The following ELAVL2 variants were observed in gnomAD, a reference collection of about 807,000 sequenced individuals.
ELAVL2 encodes ELAV like RNA binding protein 2.
In ELAVL2, 4 loss-of-function variants were observed where a neutral mutation model predicts 34.6. The observed-to-expected ratio is 0.12, with a 90% CI of 0.06 to 0.26. ELAVL2 has a LOEUF of 0.26. Among genes scored for constraint, ELAVL2 ranks in the 10% least tolerant of loss-of-function variants. The probability of loss-of-function intolerance (pLI) is 1.00; values close to 1 mark genes in which losing one functional copy is unlikely to be tolerated. For synonymous variants in ELAVL2, 193 were observed against 154.8 expected, an observed-to-expected ratio of 1.25 and a Z score of -1.83; for missense variants, 432 against 442.8, an observed-to-expected ratio of 0.98 and a Z score of 0.22.
intron 1 of ELAVL2, among the ~76,000 whole-genome samples, chr9:23,780,172 T>C (rs1208674625): frequency 5.3e-5 from 8 of 152,092 alleles, no homozygotes; most frequent in Admixed American, 2.0e-4. Flanking sequence ...TTATAAAACA[T>C]TTTGAACTGA....
intron 1 of ELAVL2, among the ~76,000 whole-genome samples, chr9:23,767,091 C>G (rs2056426917): frequency 6.6e-6 from 1 of 152,146 alleles, no homozygotes; most frequent in Non-Finnish European, 1.5e-5. Context: ...ATATTCTAAA[C>G]TTTCACTGGG....
At chr9:23,845,568 T>C in the ELAVL2 span, among the ~76,000 whole-genome samples, 1 of 151,696 alleles carries the variant, frequency 6.6e-6, no homozygotes, top group African/African-American at 2.4e-5. Context: ...AGCCTCATAA[T>C]TCTCCCCTTA....
intron 1 of ELAVL2, among the ~76,000 whole-genome samples, chr9:23,817,877 CTT>C (rs530738613): frequency 2.2e-3 from 329 of 152,302 alleles, no homozygotes; most frequent in Admixed American, 8.0e-3. Flanking sequence ...TAATAAAACA[CTT>C]ATCTTTTAAT....
At chr9:23,811,825 T>C (rs2063044964) in intron 1 of ELAVL2, among the ~76,000 whole-genome samples, 1 of 152,120 alleles carries the variant, frequency 6.6e-6, no homozygotes, top group African/African-American at 2.4e-5. Flanking sequence ...TGAGTAGGTT[T>C]TGCAGAAATA....
At chr9:23,807,675 T>G (rs1296323947) in intron 1 of ELAVL2, among the ~76,000 whole-genome samples, 1 of 152,154 alleles carries the variant, frequency 6.6e-6, no homozygotes, top group African/African-American at 2.4e-5. Flanking sequence ...AGGTCATTCA[T>G]AAACAAACCA....
At chr9:23,729,323 C>T (rs559070475) in intron 3 of ELAVL2, among the ~76,000 whole-genome samples, 29 of 152,242 alleles carry the variant, frequency 1.9e-4, no homozygotes, top group Non-Finnish European at 3.5e-4. Context: ...GACAAATTAG[C>T]AGCAACGCTG....
chr9:23,698,734 ATCAGGTGAAAG>A (rs2036134732), intron 5 of ELAVL2, among the ~76,000 whole-genome samples: 1 of 152,224 alleles, frequency 6.6e-6, no homozygotes, highest in African/African-American at 2.4e-5. Context: ...AAGTTTCTTT[ATCAGGTGAAAG>A]AAGAAGGGGG....
the ELAVL2 span, among the ~76,000 whole-genome samples, chr9:23,841,529 T>C: frequency 3.3e-5 from 5 of 151,864 alleles, no homozygotes; most frequent in African/African-American, 7.3e-5. Flanking sequence ...TAAGGGCTCA[T>C]TGAGACAATA....
chr9:23,809,552 A>C (rs1295986853), intron 1 of ELAVL2, among the ~76,000 whole-genome samples: 2 of 152,170 alleles, frequency 1.3e-5, no homozygotes, highest in East Asian at 3.9e-4. Context: ...AATTCTAGTA[A>C]GATTACCTAT....
chr9:23,702,804 G>C (rs1010320374), intron 4 of ELAVL2, among the ~76,000 whole-genome samples: 2 of 151,648 alleles, frequency 1.3e-5, no homozygotes, highest in Admixed American at 1.3e-4. Context: ...TTCATTTCAG[G>C]TAAATTGAGT....
At position 23,692,335 on chromosome 9, in the gene ELAVL2, AC is replaced by A. The variant is rs1224497420; in HGVS notation, c.*221del. ...ATAGAATGCAATGTGACAGGTAAAA[AC>A]CCTGTACCTCTTGTCCATATTCAAA... On this transcript the variant is annotated 3_prime_UTR_variant, in exon 7 of 7. Transcript: ENST00000397312. 3.8e-6 allele frequency: 2 copies of A among 523,690 alleles called. No homozygotes were observed. Among genetic ancestry groups the A allele is most frequent in the Non-Finnish European group, 6.6e-6 (2 of 303,164 alleles). 32.4% of individuals were successfully genotyped at this position (523,690 alleles called of 1,614,324 possible).
At chr9:23,724,932 G>C (rs2044689439) in intron 3 of ELAVL2, among the ~76,000 whole-genome samples, 1 of 152,044 alleles carries the variant, frequency 6.6e-6, no homozygotes, top group Non-Finnish European at 1.5e-5. Context: ...AAGTAGGTCA[G>C]TTAATTTGAG....
At position 23,694,287 on chromosome 9, in the gene ELAVL2, T is replaced by C. The variant is rs181677027; in HGVS notation, c.714-801A>G. Among the ~76,000 whole-genome samples, 471 of 150,230 alleles carry C rather than the reference T, an allele frequency of 3.1e-3. 1 individual carries two copies. Among genetic ancestry groups the C allele is most frequent in the Admixed American group, 9.3e-3 (139 of 14,946 alleles). On this transcript the variant is annotated intron_variant, in intron 5 of 6. Transcript: ENST00000397312. ...ACTTAAAATGTTTATAGAAAGTAAATAGGGGTGGGGGTGGAGGTGTAAGTA... is the reference window on the plus strand; with the variant it reads ...ACTTAAAATGTTTATAGAAAGTAAACAGGGGTGGGGGTGGAGGTGTAAGTA...
intron 4 of ELAVL2, 25 bp from the exon 5 acceptor site, chr9:23,701,629 T>C: frequency 6.2e-7 from 1 of 1,607,678 alleles, no homozygotes; most frequent in Non-Finnish European, 8.5e-7. Context: ...AGTAAAGATT[T>C]GGAAAAGAGG....
intron 5 of ELAVL2, among the ~76,000 whole-genome samples, chr9:23,699,991 T>C (rs1411078770): frequency 6.6e-6 from 1 of 152,072 alleles, no homozygotes; most frequent in African/African-American, 2.4e-5. Flanking sequence ...CCTTCTCATA[T>C]CTCAAGCAAC....
chr9:23,767,067 T>C lies in ELAVL2; in HGVS notation c.-15-4818A>G, dbSNP rs545823682. Among the ~76,000 whole-genome samples the C allele has an allele frequency of 2.8e-3, 420 of 152,342 alleles. 2 individuals are homozygous for C. The highest frequency in any genetic ancestry group is 5.2e-3 in the Non-Finnish European group (352 of 68,024). ...TAATTTACGAAAAGGCACTTTAGCA[T>C]AGATGAATCTAGAATATTCTAAACT... On this transcript the variant is annotated intron_variant, in intron 1 of 6. Coordinates refer to ENST00000397312, the MANE Select transcript of ELAVL2 (RefSeq NM_004432.5).
chr9:23,830,824 G>A (rs1368175445), upstream of ELAVL2, among the ~76,000 whole-genome samples: 1 of 151,744 alleles, frequency 6.6e-6, no homozygotes, highest in Non-Finnish European at 1.5e-5. Flanking sequence ...TTACTCAATA[G>A]CAACTTTTAG....
intron 1 of ELAVL2, among the ~76,000 whole-genome samples, chr9:23,778,849 T>C (rs1469420293): frequency 6.6e-6 from 1 of 152,198 alleles, no homozygotes; most frequent in Non-Finnish European, 1.5e-5. Context: ...CCACAGACAT[T>C]CAAAGCACTC....
intron 5 of ELAVL2, among the ~76,000 whole-genome samples, chr9:23,701,160 T>C (rs1361779225): frequency 6.6e-6 from 1 of 152,214 alleles, no homozygotes; most frequent in Non-Finnish European, 1.5e-5. Flanking sequence ...ATCACTGCTG[T>C]AGGTTACTGT....
Sources: gnomAD v4.1 joint callset for allele counts (sites outside exome capture counted in the v4.1 genomes callset) on GRCh38, gnomAD v4.1.1 for gene constraint, MANE v1.5 for transcripts, NCBI Gene and HGNC (gene_info 2026-07-23, HGNC 2026-07-21) for gene names.